Variants in CDC42EP2 observed in about 807,000 individuals in gnomAD.
CDC42EP2 encodes CDC42 effector protein 2.
In CDC42EP2, 5 loss-of-function variants were observed where a neutral mutation model predicts 7.3. That is an observed-to-expected ratio of 0.68 (90% confidence interval 0.36 to 1.44). The LOEUF is 1.44. Ranked by LOEUF, CDC42EP2 falls within the 40% of genes most tolerant of loss-of-function variation. The probability of loss-of-function intolerance (pLI) is 0.04; values close to 1 mark genes in which losing one functional copy is unlikely to be tolerated. For synonymous variants in CDC42EP2, 113 were observed against 123.6 expected (o/e 0.91, Z 0.57); for missense variants, 251 against 282.6 (o/e 0.89, Z 0.80).
intron 1 of CDC42EP2, among the ~76,000 whole-genome samples, chr11:65,316,634 G>GTAACATTA (rs1949949211): frequency 6.6e-6 from 1 of 152,174 alleles, no homozygotes; most frequent in Non-Finnish European, 1.5e-5. Context: ...CTGAGGTTCA[G>GTAACATTA]CTTCGACTTC....
At chr11:65,316,515 A>G (rs1429325661) in intron 1 of CDC42EP2, among the ~76,000 whole-genome samples, 1 of 152,024 alleles carries the variant, frequency 6.6e-6, no homozygotes, top group Non-Finnish European at 1.5e-5. Context: ...CTCCCCAAAC[A>G]TATTATGGAA....
At chr11:65,316,785 C>T (rs530566281) in intron 1 of CDC42EP2, among the ~76,000 whole-genome samples, 108 of 152,256 alleles carry the variant, frequency 7.1e-4, no homozygotes, top group African/African-American at 2.5e-3. Context: ...CCCAGCTCTC[C>T]CCTGGGCCGC....
Position 65,321,631 on chromosome 11 carries a change from C to CTG in CDC42EP2, c.*102_*103dup. 9.0e-7 allele frequency: 1 copy of CTG among 1,116,916 alleles called. No individual in the cohort carries two copies. The highest frequency in any genetic ancestry group is 2.4e-5 in the East Asian group (1 of 41,750). The allele number at this position is 1,116,916 out of a possible 1,614,324, so 69.2% of individuals were successfully genotyped here. On this transcript the variant is annotated 3_prime_UTR_variant, in exon 2 of 2. Coordinates refer to ENST00000279249, the MANE Select transcript of CDC42EP2 (RefSeq NM_006779.4). This position sits in a 1 kb window ranked among gnomAD's most constrained non-coding sequence, Gnocchi z 4.4. ...CGGAGTCAGGGTCCCAAGATCCCAC[C>CTG]TGTATGGTCGCTGGCCAGTGATTCT...
intron 1 of CDC42EP2, chr11:65,317,175 G>A (rs1293724314): frequency 6.6e-6 from 1 of 152,300 alleles, no homozygotes; most frequent in Non-Finnish European, 1.5e-5. Context: ...CTTGCAAGCT[G>A]AGCTGGATTT....
Position 65,314,899 on chromosome 11 carries a change from G to T in CDC42EP2, c.-411G>T, listed in dbSNP as rs1439015588. 1 of 152,232 alleles carries T rather than the reference G, an allele frequency of 6.6e-6. No homozygotes were observed. The highest frequency in any genetic ancestry group is 1.5e-5 in the Non-Finnish European group (1 of 68,092). 9.4% of individuals were successfully genotyped at this position (152,232 alleles called of 1,614,324 possible). A position where few individuals can be genotyped will look rare whatever the true frequency, so the allele number is the denominator to read the frequency against. ...ACCGCCGGTCGGGTCCGGCCGCCGCGCTGTCCAGCTCCTGAGACCTTGCTG... is the reference window on the plus strand; with the variant it reads ...ACCGCCGGTCGGGTCCGGCCGCCGCTCTGTCCAGCTCCTGAGACCTTGCTG... On this transcript the variant is annotated 5_prime_UTR_variant, in exon 1 of 2. Transcript: ENST00000279249.
At position 65,320,996 on chromosome 11, in the gene CDC42EP2, C is replaced by G. The variant is rs1021807508; in HGVS notation, c.98C>G (p.Pro33Arg). The G allele has an allele frequency of 6.2e-7, 1 of 1,613,980 alleles. No homozygotes were observed. Among genetic ancestry groups the G allele is most frequent in the Non-Finnish European group, 8.5e-7 (1 of 1,180,048 alleles). ...CTGTCCTCGGACATGATCAGCCCAC[C>G]GCTGGGGGACTTCCGCCACACCATT... ...DLLSSDMISPPLGDFRHTIHI... is the reference protein window; with the variant it reads ...DLLSSDMISPRLGDFRHTIHI... The change falls in exon 2 of 2, where the codon CCG becomes CGG. Residue 33 changes from proline to arginine, a missense_variant. Physicochemically the swap from Pro to Arg is moderately radical, Grantham distance 103. Coordinates refer to ENST00000279249, the MANE Select transcript of CDC42EP2 (RefSeq NM_006779.4).
Position 65,320,923 on chromosome 11 carries a change from C to G in CDC42EP2, c.25C>G (p.Leu9Val), listed in dbSNP as rs1949970656. 6.2e-7 allele frequency: 1 copy of G among 1,607,668 alleles called. No homozygotes were observed. Reference sequence around the variant, plus strand: ...CATGTCCACCAAGGTGCCCATCTATCTGAAGCGTGGCAGTCGCAAGGGCAA... The same window carrying G: ...CATGTCCACCAAGGTGCCCATCTATGTGAAGCGTGGCAGTCGCAAGGGCAA... MSTKVPIY[L>V]KRGSRKGKKE... Residue 9 changes from leucine (L) to valine (V), a missense_variant, in exon 2 of 2, where the codon CTG becomes GTG. Leu to Val is a conservative substitution (Grantham distance 32). Transcript: ENST00000279249.
rs1949969513 is a variant in CDC42EP2, at chr11:65,320,700, A to G, written c.-199A>G. ...TTTGTTATCTCAGCCCACTGACTTC[A>G]TTGATCTCTAATCTTTTTTAATTCC... On this transcript the variant is annotated 5_prime_UTR_variant, in exon 2 of 2. Coordinates refer to ENST00000279249, the MANE Select transcript of CDC42EP2 (RefSeq NM_006779.4). The G allele has an allele frequency of 1.7e-6, 1 of 579,268 alleles. No homozygotes were observed. Among genetic ancestry groups the G allele is most frequent in the Non-Finnish European group, 3.1e-6 (1 of 326,914 alleles). 35.9% of individuals were successfully genotyped at this position (579,268 alleles called of 1,614,324 possible). A position where few individuals can be genotyped will look rare whatever the true frequency, so the allele number is the denominator to read the frequency against.
intron 1 of CDC42EP2, among the ~76,000 whole-genome samples, chr11:65,316,744 T>C (rs1949949900): frequency 1.3e-5 from 2 of 152,098 alleles, no homozygotes. Context: ...AGTTGCCAAA[T>C]CTAAATTCCT....
At position 65,321,447 on chromosome 11, in the gene CDC42EP2, G is replaced by GCA; in HGVS notation, c.551_552dup (p.Val185ThrfsTer68). 1 of 1,613,758 alleles carries GCA rather than the reference G, an allele frequency of 6.2e-7. No individual in the cohort carries two copies. On this transcript the variant is annotated frameshift_variant, in exon 2 of 2. Coordinates refer to ENST00000279249, the MANE Select transcript of CDC42EP2 (RefSeq NM_006779.4). LOFTEE classifies it high-confidence loss of function. This position sits in a 1 kb window ranked among gnomAD's most constrained non-coding sequence, Gnocchi z 4.4. The stretch of plus-strand genomic sequence containing the variant: ...CCAATGCCAGCTCCCTGCTGTCCCT[G>GCA]CACGTGGACCTGGGGCCTTCCATCC...
rs1949945651 is a variant in CDC42EP2 at position 65,315,901 on chromosome 11, A to T, written c.-356+947A>T. ...GCCCTTCGTTTTTGCTATTGTTCAA[A>T]GCACTGGCCCCGGAGAATCGAAGTG... On this transcript the variant is annotated intron_variant, in intron 1 of 1. Transcript: ENST00000279249. This position sits in a 1 kb window ranked among gnomAD's most constrained non-coding sequence, Gnocchi z 4.1. Among the ~76,000 whole-genome samples the T allele has an allele frequency of 6.6e-6, 1 of 152,338 alleles. No individual in the cohort carries two copies. Among genetic ancestry groups the T allele is most frequent in the South Asian group, 2.1e-4 (1 of 4,824 alleles).
chr11:65,317,964 T>C (rs1477447989), intron 1 of CDC42EP2, among the ~76,000 whole-genome samples: 1 of 152,140 alleles, frequency 6.6e-6, no homozygotes, highest in Admixed American at 6.6e-5. Context: ...GTTATTTTTA[T>C]TGATGACTCC....
In CDC42EP2 at chr11:65,321,011, G is replaced by A. The variant is rs754193100; in HGVS notation, c.113G>A (p.Arg38His). Residue 38 changes from arginine to histidine, a missense_variant, in exon 2 of 2, where the codon CGC becomes CAC. Transcript: ENST00000279249. The surrounding 1 kb of genome is among the most constrained non-coding windows in gnomAD (Gnocchi z 4.4). ...DMISPPLGDFRHTIHIGSGGG... is the reference protein window; with the variant it reads ...DMISPPLGDFHHTIHIGSGGG... ...ATCAGCCCACCGCTGGGGGACTTCCGCCACACCATTCATATTGGCAGTGGC... is the reference window on the plus strand; with the variant it reads ...ATCAGCCCACCGCTGGGGGACTTCCACCACACCATTCATATTGGCAGTGGC... The A allele has an allele frequency of 1.6e-5, 26 of 1,613,984 alleles. No individual in the cohort carries two copies. In the Admixed American group the frequency reaches 3.7e-4, roughly 23 times the overall value.
chr11:65,321,290 C>A lies in CDC42EP2; in HGVS notation c.392C>A (p.Pro131His), dbSNP rs758063296. ...LPTAQAPPKPPRLHLETPQPS... is the reference protein window; with the variant it reads ...LPTAQAPPKPHRLHLETPQPS... ...ACAGCCCAGGCTCCACCCAAGCCCCCTCGCCTGCACCTGGAGACCCCTCAG... is the reference window on the plus strand; with the variant it reads ...ACAGCCCAGGCTCCACCCAAGCCCCATCGCCTGCACCTGGAGACCCCTCAG... The change falls in exon 2 of 2, where the codon CCT becomes CAT. Residue 131 changes from proline (P) to histidine (H), a missense_variant. Coordinates refer to ENST00000279249, the MANE Select transcript of CDC42EP2 (RefSeq NM_006779.4). The surrounding 1 kb of genome is among the most constrained non-coding windows in gnomAD (Gnocchi z 4.4). 7 of 1,613,974 alleles carry A rather than the reference C, an allele frequency of 4.3e-6. No individual in the cohort carries two copies. The highest frequency in any genetic ancestry group is 5.9e-6 in the Non-Finnish European group (7 of 1,180,006).
intron 1 of CDC42EP2, among the ~76,000 whole-genome samples, chr11:65,319,133 T>A (rs1400247880): frequency 2.0e-5 from 2 of 100,656 alleles, no homozygotes; most frequent in Non-Finnish European, 4.2e-5. Flanking sequence ...ACACCTCTGA[T>A]TTTTTTTTTT....
rs372503179 is a variant in CDC42EP2, at chr11:65,321,536, C to T, written c.*5C>T. The T allele has an allele frequency of 1.7e-4, 274 of 1,590,080 alleles. No individual in the cohort carries two copies. Among genetic ancestry groups the T allele is most frequent in the Middle Eastern group, 1.7e-4 (1 of 5,960 alleles). On this transcript the variant is annotated 3_prime_UTR_variant, in exon 2 of 2. Coordinates refer to ENST00000279249, the MANE Select transcript of CDC42EP2 (RefSeq NM_006779.4). This position sits in a 1 kb window ranked among gnomAD's most constrained non-coding sequence, Gnocchi z 4.4. ...AGCATGCAGATCCCCACATAGGACA[C>T]GAGGCTGCCTAGGCTGGGGTCCCAG...
Position 65,315,417 on chromosome 11 carries a change from C to T in CDC42EP2, c.-356+463C>T, listed in dbSNP as rs1261856714. ...GGAACCCGAGCCGGAGCTAAGGAGC[C>T]GGACCCGTGGGAGGGGCGGGGGCCC... On this transcript the variant is annotated intron_variant, in intron 1 of 1. Transcript: ENST00000279249. The surrounding 1 kb of genome is among the most constrained non-coding windows in gnomAD (Gnocchi z 4.1). 6.6e-6 allele frequency among the ~76,000 whole-genome samples: 1 copy of T among 152,200 alleles called. No individual in the cohort carries two copies. The highest frequency in any genetic ancestry group is 1.5e-5 in the Non-Finnish European group (1 of 68,010).
intron 1 of CDC42EP2, among the ~76,000 whole-genome samples, chr11:65,316,447 T>C (rs1487284115): frequency 2.0e-5 from 3 of 152,130 alleles, no homozygotes; most frequent in African/African-American, 4.8e-5. Context: ...AGGATGTAGA[T>C]GGAGGAGATC....
chr11:65,320,110 T>G (rs946407048), intron 1 of CDC42EP2, among the ~76,000 whole-genome samples: 2 of 152,068 alleles, frequency 1.3e-5, no homozygotes, highest in Non-Finnish European at 2.9e-5. Context: ...CCCAGTACAA[T>G]TCCCTGCAAG....
Sources: gnomAD v4.1 joint callset for allele counts (sites outside exome capture counted in the v4.1 genomes callset) on GRCh38, gnomAD v4.1.1 for gene constraint, Gnocchi (gnomAD v3.1) non-coding constraint, MANE v1.5 for transcripts, NCBI Gene and HGNC (gene_info 2026-07-23, HGNC 2026-07-21) for gene names.